The following ZBTB20 variants were observed in gnomAD, a reference collection of about 807,000 sequenced individuals.
ZBTB20 encodes the protein zinc finger and BTB domain containing 20.
Under a neutral mutation model 56.9 loss-of-function variants are expected in ZBTB20, and 9 were observed. The ratio of observed to expected loss-of-function variants is 0.16; its 90% confidence interval spans 0.10 to 0.28. ZBTB20 has a LOEUF of 0.28. Ranked by LOEUF, ZBTB20 falls within the 10% of genes least tolerant of loss-of-function variation. ZBTB20 has a pLI of 1.00. For synonymous variants in ZBTB20, 417 were observed against 420.7 expected (o/e 0.99, Z 0.11); for missense variants, 655 against 1,003.0 (o/e 0.65, Z 4.69).
At chr3:114,955,304 C>G (rs2077208762) in intron 3 of ZBTB20, among the ~76,000 whole-genome samples, 1 of 152,168 alleles carries the variant, frequency 6.6e-6, no homozygotes, top group African/African-American at 2.4e-5. Context: ...TATATCTATC[C>G]ATGCACTAAG....
chr3:114,498,214 G>A (rs141196460), intron 7 of ZBTB20, among the ~76,000 whole-genome samples: 1 of 152,292 alleles, frequency 6.6e-6, no homozygotes, highest in East Asian at 1.9e-4. Flanking sequence ...ATTATGGAGG[G>A]TTCCTCTTTG....
intron 6 of ZBTB20, among the ~76,000 whole-genome samples, chr3:114,625,208 T>TA (rs1029023161): frequency 4.7e-5 from 7 of 149,620 alleles, no homozygotes; most frequent in Non-Finnish European, 8.9e-5. Context: ...TGTAGGACTG[T>TA]AAAAAAAGAA....
At chr3:115,055,630 G>T (rs868778726) in intron 2 of ZBTB20, among the ~76,000 whole-genome samples, 4 of 151,966 alleles carry the variant, frequency 2.6e-5, no homozygotes, top group African/African-American at 9.7e-5. Context: ...CTAACATATC[G>T]CATTGTTGTA....
chr3:114,847,090 G>C (rs2074743280), intron 4 of ZBTB20, among the ~76,000 whole-genome samples: 1 of 152,074 alleles, frequency 6.6e-6, no homozygotes, highest in Non-Finnish European at 1.5e-5. Context: ...TCAAGCAAAT[G>C]GTTTTAGTAC....
intron 5 of ZBTB20, among the ~76,000 whole-genome samples, chr3:114,800,820 A>T (rs1433150737): frequency 2.6e-5 from 4 of 151,808 alleles, no homozygotes. Flanking sequence ...CTTTCCAGAC[A>T]GGGTGTGTGT....
intron 11 of ZBTB20, among the ~76,000 whole-genome samples, chr3:114,340,993 GCTGA>G (rs2079718004): frequency 6.6e-6 from 1 of 152,162 alleles, no homozygotes; most frequent in African/African-American, 2.4e-5. Flanking sequence ...GGTATTAAGT[GCTGA>G]CTATGTAGCA....
At chr3:114,557,034 G>C (rs1006580420) in intron 6 of ZBTB20, among the ~76,000 whole-genome samples, 2 of 151,972 alleles carry the variant, frequency 1.3e-5, no homozygotes, top group African/African-American at 4.8e-5. Flanking sequence ...TATGTTACCT[G>C]ATTATCTTCT....
At chr3:114,383,649 G>T (rs1226211906) in intron 8 of ZBTB20, 1 of 152,174 alleles carries the variant, frequency 6.6e-6, no homozygotes, top group Non-Finnish European at 1.5e-5. Context: ...CAACTGTCCA[G>T]ATAATAGAGA....
intron 7 of ZBTB20, among the ~76,000 whole-genome samples, chr3:114,389,723 A>T (rs1280148164): frequency 4.3e-5 from 1 of 23,098 alleles, no homozygotes; most frequent in African/African-American, 1.2e-4. Flanking sequence ...CCCCGTCTCT[A>T]CTAAAATGCA....
chr3:114,744,970 A>G (rs1162809042), intron 5 of ZBTB20, among the ~76,000 whole-genome samples: 1 of 152,188 alleles, frequency 6.6e-6, no homozygotes, highest in Non-Finnish European at 1.5e-5. Context: ...CAATAGTAAC[A>G]CTATTAGAAC....
intron 4 of ZBTB20, among the ~76,000 whole-genome samples, chr3:114,891,800 ACTT>A (rs2076819788): frequency 1.3e-5 from 2 of 152,184 alleles, no homozygotes; most frequent in Admixed American, 1.3e-4. Flanking sequence ...TAATCCTAGC[ACTT>A]TGGGAGGCCC....
At chr3:115,129,946 A>G (rs1402747789) in intron 1 of ZBTB20, among the ~76,000 whole-genome samples, 2 of 152,044 alleles carry the variant, frequency 1.3e-5, no homozygotes, top group African/African-American at 4.8e-5. Flanking sequence ...TATTGCTGAC[A>G]TATCAAAAGG....
intron 6 of ZBTB20, among the ~76,000 whole-genome samples, chr3:114,655,704 A>G (rs1203954930): frequency 2.6e-5 from 4 of 152,176 alleles, no homozygotes; most frequent in Non-Finnish European, 5.9e-5. Flanking sequence ...CACAGAGTTA[A>G]TATTTTACCA....
intron 1 of ZBTB20, among the ~76,000 whole-genome samples, chr3:115,079,012 T>TA (rs1234181532): frequency 6.6e-6 from 1 of 152,142 alleles, no homozygotes; most frequent in African/African-American, 2.4e-5. Context: ...ACCAACTTTA[T>TA]AAAAAAAGTT....
chr3:115,045,506 T>C (rs1288033696), intron 2 of ZBTB20, among the ~76,000 whole-genome samples: 1 of 151,994 alleles, frequency 6.6e-6, no homozygotes, highest in Non-Finnish European at 1.5e-5. Flanking sequence ...ATTAATTTAT[T>C]AGAAGTTTGT....
At chr3:115,047,188 A>G (rs768511539) in intron 2 of ZBTB20, among the ~76,000 whole-genome samples, 7 of 152,204 alleles carry the variant, frequency 4.6e-5, no homozygotes, top group Admixed American at 1.3e-4. Context: ...GAGGAGTACA[A>G]TTCTGAATGA....
chr3:115,093,161 T>C (rs1462201226), intron 1 of ZBTB20, among the ~76,000 whole-genome samples: 1 of 152,172 alleles, frequency 6.6e-6, no homozygotes, highest in African/African-American at 2.4e-5. Flanking sequence ...CTTTTTGATA[T>C]TGATTAATAC....
intron 6 of ZBTB20, among the ~76,000 whole-genome samples, chr3:114,668,151 A>G (rs1341554714): frequency 1.3e-5 from 2 of 151,998 alleles, no homozygotes; most frequent in East Asian, 3.9e-4. Flanking sequence ...TCCTGTACAT[A>G]GATGTCTGAA....
chr3:114,859,951 A>G (rs1055860837), intron 4 of ZBTB20, among the ~76,000 whole-genome samples: 1 of 152,160 alleles, frequency 6.6e-6, no homozygotes, highest in Non-Finnish European at 1.5e-5. Flanking sequence ...AGGTTCCAAA[A>G]ACAGTACTGG....
Sources: gnomAD v4.1 joint callset for allele counts (sites outside exome capture counted in the v4.1 genomes callset) on GRCh38, gnomAD v4.1.1 for gene constraint, MANE v1.5 for transcripts, NCBI Gene and HGNC (gene_info 2026-07-23, HGNC 2026-07-21) for gene names.